Variants in ST3GAL3 observed in about 807,000 individuals in gnomAD.
ST3GAL3 encodes the protein ST3 beta-galactoside alpha-2,3-sialyltransferase 3.
ST3GAL3 carries 21 observed loss-of-function variants against 50.1 expected under a neutral mutation model. The observed-to-expected ratio is 0.42, with a 90% CI of 0.30 to 0.60. The LOEUF (loss-of-function observed/expected upper bound fraction) is 0.60. ST3GAL3 is among the 20% of genes least tolerant of loss of function. The pLI is 0.19. For synonymous variants in ST3GAL3, 183 were observed against 190.0 expected (o/e 0.96, Z 0.30); for missense variants, 353 against 489.4 (o/e 0.72, Z 2.63).
chr1:43,877,177 GC>G (rs2074275518), intron 5 of ST3GAL3, among the ~76,000 whole-genome samples: 2 of 152,226 alleles, frequency 1.3e-5, no homozygotes, highest in Non-Finnish European at 2.9e-5. Context: ...CAATGTTTGA[GC>G]CCCTGGACTG....
At chr1:43,871,179 C>T (rs1290316365) in intron 5 of ST3GAL3, among the ~76,000 whole-genome samples, 1 of 152,210 alleles carries the variant, frequency 6.6e-6, no homozygotes, top group East Asian at 1.9e-4. Flanking sequence ...CAGGACTCTC[C>T]TACATGTGGG....
chr1:43,765,784 TGC>T (rs67184106), intron 2 of ST3GAL3, among the ~76,000 whole-genome samples: 4,741 of 136,702 alleles, frequency 0.035, 91 homozygotes, highest in Non-Finnish European at 0.045. Flanking sequence ...TGTGTGTGTG[TGC>T]GCGCGCGCGC....
At chr1:43,870,915 C>T (rs2072551035) in intron 5 of ST3GAL3, among the ~76,000 whole-genome samples, 1 of 152,178 alleles carries the variant, frequency 6.6e-6, no homozygotes, top group Non-Finnish European at 1.5e-5. Flanking sequence ...TGGCAGCCAC[C>T]TGTCTGCTTG....
At position 43,904,487 on chromosome 1, in the gene ST3GAL3, A is replaced by G. The variant is rs545207321; in HGVS notation, c.744+4760A>G. On this transcript the variant is annotated intron_variant, in intron 9 of 11. Coordinates refer to ENST00000347631, the MANE Select transcript of ST3GAL3 (RefSeq NM_006279.5). ...ACCAGTGGCCGCAGCTCTTTCTCCC[A>G]TGCCTCTTATCCCTGGGAGGGCCAG... Among the ~76,000 whole-genome samples, 5 of 151,798 alleles carry G rather than the reference A, an allele frequency of 3.3e-5. No homozygotes were observed. The East Asian group carries it at 9.7e-4, about 29-fold the overall frequency.
At chr1:43,797,435 G>A (rs1054970128) in intron 3 of ST3GAL3, among the ~76,000 whole-genome samples, 5 of 152,016 alleles carry the variant, frequency 3.3e-5, no homozygotes, top group Admixed American at 6.6e-5. Context: ...TGGCTAAAAC[G>A]TCCCAAATTT....
At chr1:43,771,248 A>G (rs1329240774) in intron 2 of ST3GAL3, among the ~76,000 whole-genome samples, 1 of 152,232 alleles carries the variant, frequency 6.6e-6, no homozygotes, top group African/African-American at 2.4e-5. Flanking sequence ...TATATCTGTT[A>G]TAAATAGAAT....
intron 2 of ST3GAL3, among the ~76,000 whole-genome samples, chr1:43,753,363 T>C (rs1686898874): frequency 6.6e-6 from 1 of 152,216 alleles, no homozygotes; most frequent in Non-Finnish European, 1.5e-5. Context: ...AACTCAGTAA[T>C]TTATTTTGTG....
intron 2 of ST3GAL3, among the ~76,000 whole-genome samples, chr1:43,744,660 AAAT>A (rs1682713210): frequency 3.9e-5 from 5 of 127,286 alleles, no homozygotes; most frequent in African/African-American, 2.3e-4. Flanking sequence ...CTCAAAAAAT[AAAT>A]AAATAAATAA....
intron 4 of ST3GAL3, among the ~76,000 whole-genome samples, chr1:43,834,304 G>A (rs980601326): frequency 2.0e-5 from 3 of 152,070 alleles, no homozygotes; most frequent in African/African-American, 4.8e-5. Flanking sequence ...CTGCTTCCCC[G>A]CTCCGGCTAT....
At chr1:43,809,421 G>T (rs1055028678) in intron 3 of ST3GAL3, among the ~76,000 whole-genome samples, 1 of 152,216 alleles carries the variant, frequency 6.6e-6, no homozygotes. Flanking sequence ...CAGAGTGAGG[G>T]CTGGGTGCAA....
intron 3 of ST3GAL3, among the ~76,000 whole-genome samples, chr1:43,804,021 C>T (rs1234827330): frequency 1.3e-5 from 2 of 152,172 alleles, no homozygotes; most frequent in African/African-American, 4.8e-5. Flanking sequence ...TCTTCAGGTG[C>T]TAGGAGAGCT....
chr1:43,915,409 G>A (rs1057361026), intron 9 of ST3GAL3, among the ~76,000 whole-genome samples: 6 of 152,224 alleles, frequency 3.9e-5, no homozygotes, highest in Non-Finnish European at 7.3e-5. Flanking sequence ...CTAAATACGC[G>A]TGATGTCCCT....
intron 5 of ST3GAL3, among the ~76,000 whole-genome samples, chr1:43,853,257 G>A (rs1398418170): frequency 6.6e-6 from 1 of 152,192 alleles, no homozygotes; most frequent in Non-Finnish European, 1.5e-5. Context: ...TCCAAGCCAC[G>A]TCCATGCTGC....
At chr1:43,763,370 TTACGAGATAC>T (rs1691285349) in intron 2 of ST3GAL3, among the ~76,000 whole-genome samples, 2 of 152,322 alleles carry the variant, frequency 1.3e-5, no homozygotes, top group Non-Finnish European at 2.9e-5. Flanking sequence ...TTCCTTACAA[TTACGAGATAC>T]TGGGTTCTTG....
chr1:43,921,410 A>C (rs2083021150), intron 11 of ST3GAL3: 1 of 407,864 alleles, frequency 2.5e-6, no homozygotes. Context: ...CCAGCCTGTC[A>C]GCCAGCCTTT....
chr1:43,821,889 A>C (rs1475287346), intron 4 of ST3GAL3, among the ~76,000 whole-genome samples: 1 of 152,222 alleles, frequency 6.6e-6, no homozygotes, highest in Non-Finnish European at 1.5e-5. Flanking sequence ...AGATTTGTTG[A>C]GCAACTAATA....
chr1:43,858,214 G>C (rs1279833164), intron 5 of ST3GAL3: 1 of 1,289,394 alleles, frequency 7.8e-7, no homozygotes, highest in East Asian at 5.5e-5. Flanking sequence ...GAGGATTGTG[G>C]GGACACAGAG....
intron 2 of ST3GAL3, among the ~76,000 whole-genome samples, chr1:43,749,776 A>G (rs1685304100): frequency 6.6e-6 from 1 of 152,244 alleles, no homozygotes; most frequent in African/African-American, 2.4e-5. Context: ...TGATTGGGTC[A>G]TGAGTGCTCT....
At chr1:43,847,271 G>A (rs915243489) in intron 5 of ST3GAL3, among the ~76,000 whole-genome samples, 4 of 152,184 alleles carry the variant, frequency 2.6e-5, no homozygotes, top group African/African-American at 9.7e-5. Flanking sequence ...TAGGATTGCC[G>A]TATGATCCAG....
Sources: allele counts gnomAD v4.1 joint callset (sites outside exome capture counted in the v4.1 genomes callset), GRCh38; gene constraint gnomAD v4.1.1; transcripts MANE v1.5; gene names NCBI Gene and HGNC (gene_info 2026-07-23, HGNC 2026-07-21).